Variants in SMYD3 observed in about 807,000 individuals in gnomAD.
The protein encoded by SMYD3 is SET and MYND domain containing 3.
SMYD3 carries 36 observed loss-of-function variants against 57.7 expected under a neutral mutation model. The observed-to-expected ratio is 0.62, with a 90% confidence interval of 0.48 to 0.82. The LOEUF (loss-of-function observed/expected upper bound fraction) is 0.82, where lower values mean the gene tolerates loss of function less well. SMYD3 is among the 40% of genes least tolerant of loss of function. SMYD3 has a pLI of 0.00. For missense variants in SMYD3, 515 were observed against 538.8 expected (o/e 0.96, Z 0.44); for synonymous variants, 211 against 195.0 (o/e 1.08, Z -0.68).
intron 5 of SMYD3, among the ~76,000 whole-genome samples, chr1:245,973,315 A>G (rs1393925658): frequency 1.3e-5 from 2 of 152,346 alleles, no homozygotes; most frequent in South Asian, 4.1e-4. Flanking sequence ...GACACAGCAC[A>G]AGAAGGAAAT....
rs534305833 is a variant in SMYD3, at chr1:245,761,786, C to CTTTT, written c.1185+2251_1185+2254dup. Among the ~76,000 whole-genome samples, 50 of 115,730 alleles carry CTTTT rather than the reference C, an allele frequency of 4.3e-4. 2 individuals carry two copies. Among genetic ancestry groups the CTTTT allele is most frequent in the African/African-American group, 1.5e-3 (40 of 26,904 alleles). The allele number at this position is 115,730 out of a possible 152,430, so 75.9% of individuals were successfully genotyped here. ...TTAAATTGTACACACCATATTGAGTCTTTTTTTTTTTTTTTTTTTGAGACA... is the reference window on the plus strand; with the variant it reads ...TTAAATTGTACACACCATATTGAGTCTTTTTTTTTTTTTTTTTTTTTTTGAGACA... On this transcript the variant is annotated intron_variant, in intron 11 of 11. Coordinates refer to ENST00000490107, the MANE Select transcript of SMYD3 (RefSeq NM_001167740.2).
chr1:246,187,829 A>C (rs1350647849), intron 5 of SMYD3, among the ~76,000 whole-genome samples: 1 of 152,200 alleles, frequency 6.6e-6, no homozygotes, highest in African/African-American at 2.4e-5. Flanking sequence ...AAAGTACAAG[A>C]AACCCATTTT....
intron 5 of SMYD3, among the ~76,000 whole-genome samples, chr1:246,321,339 A>G (rs1183621484): frequency 6.6e-6 from 1 of 152,258 alleles, no homozygotes; most frequent in Non-Finnish European, 1.5e-5. Flanking sequence ...TATGTGTCAG[A>G]CACTACTAAG....
At chr1:246,405,679 C>T (rs1357522307) in intron 1 of SMYD3, among the ~76,000 whole-genome samples, 2 of 152,000 alleles carry the variant, frequency 1.3e-5, no homozygotes, top group Non-Finnish European at 2.9e-5. Flanking sequence ...GAGGCCGAGG[C>T]GGGCGGATCA....
intron 5 of SMYD3, among the ~76,000 whole-genome samples, chr1:245,991,357 A>G (rs2058809939): frequency 6.6e-6 from 1 of 152,234 alleles, no homozygotes; most frequent in Non-Finnish European, 1.5e-5. Context: ...ATAGACAGAG[A>G]TACCAGCAGA....
chr1:245,902,331 C>T (rs180944578), intron 8 of SMYD3, among the ~76,000 whole-genome samples: 17 of 152,324 alleles, frequency 1.1e-4, no homozygotes, highest in Middle Eastern at 3.4e-3. Context: ...CCACCTACAG[C>T]GATGCCACCC....
At chr1:246,458,105 C>T (rs1031973132) in intron 1 of SMYD3, among the ~76,000 whole-genome samples, 8 of 152,174 alleles carry the variant, frequency 5.3e-5, no homozygotes, top group Non-Finnish European at 7.4e-5. Flanking sequence ...GGGCTCAGGA[C>T]TCCATGTTGT....
At chr1:245,854,769 G>T (rs2051149052) in intron 10 of SMYD3, among the ~76,000 whole-genome samples, 1 of 152,172 alleles carries the variant, frequency 6.6e-6, no homozygotes, top group Non-Finnish European at 1.5e-5. Context: ...AAGTGCAGGA[G>T]AAAGTGGAAG....
At position 246,503,693 on chromosome 1, in the gene SMYD3, C is replaced by T. The variant is rs113305110; in HGVS notation, c.164+3361G>A. The stretch of plus-strand genomic sequence containing the variant: ...ATAAGTGATTTCAGGCCGGGGACAG[C>T]GGCTCACGCCTGTAATCCCAGCACT... On this transcript the variant is annotated intron_variant, in intron 1 of 11. Coordinates refer to ENST00000490107, the MANE Select transcript of SMYD3 (RefSeq NM_001167740.2). 1.3e-3 allele frequency among the ~76,000 whole-genome samples: 202 copies of T among 152,218 alleles called. 1 individual carries two copies. Among genetic ancestry groups the T allele is most frequent in the Non-Finnish European group, 2.2e-3 (153 of 68,000 alleles).
At chr1:246,398,686 T>TG (rs1444535836) in intron 1 of SMYD3, among the ~76,000 whole-genome samples, 3 of 152,124 alleles carry the variant, frequency 2.0e-5, no homozygotes, top group Non-Finnish European at 4.4e-5. Flanking sequence ...AGGGAGACAC[T>TG]GGGGCTCAGG....
intron 5 of SMYD3, 106 bp from the exon 6 acceptor site, chr1:245,930,043 T>A: frequency 1.1e-6 from 1 of 906,312 alleles, no homozygotes; most frequent in Non-Finnish European, 1.8e-6. Context: ...ATCTTAGTAG[T>A]TGCTTAAGAA....
At chr1:246,201,832 G>C (rs1183896147) in intron 5 of SMYD3, among the ~76,000 whole-genome samples, 2 of 152,084 alleles carry the variant, frequency 1.3e-5, no homozygotes, top group Non-Finnish European at 2.9e-5. Flanking sequence ...GGGCAACTTG[G>C]AGAAACCCTG....
At chr1:245,899,879 T>G (rs774348548) in intron 8 of SMYD3, among the ~76,000 whole-genome samples, 2 of 152,170 alleles carry the variant, frequency 1.3e-5, no homozygotes, top group Non-Finnish European at 2.9e-5. Flanking sequence ...TGAGTTGGAC[T>G]GATCAGTTCT....
chr1:246,469,317 T>G (rs534413553), intron 1 of SMYD3, among the ~76,000 whole-genome samples: 1 of 152,344 alleles, frequency 6.6e-6, no homozygotes, highest in African/African-American at 2.4e-5. Flanking sequence ...CCAAACTTAT[T>G]ATAAATCTTA....
intron 8 of SMYD3, among the ~76,000 whole-genome samples, chr1:245,895,045 C>G (rs1339323680): frequency 1.3e-5 from 2 of 152,230 alleles, no homozygotes; most frequent in African/African-American, 2.4e-5. Flanking sequence ...AACACAATAG[C>G]TACATTGTTT....
chr1:245,939,446 A>C (rs1384647456), intron 5 of SMYD3, among the ~76,000 whole-genome samples: 1 of 152,108 alleles, frequency 6.6e-6, no homozygotes, highest in East Asian at 1.9e-4. Context: ...CAATATGGTG[A>C]AACCCCATCT....
chr1:245,784,631 G>A (rs2046961034), intron 10 of SMYD3, among the ~76,000 whole-genome samples: 1 of 152,014 alleles, frequency 6.6e-6, no homozygotes, highest in Admixed American at 6.5e-5. Flanking sequence ...CTCCTTTTAG[G>A]TTCTCAAAAC....
intron 2 of SMYD3, among the ~76,000 whole-genome samples, chr1:246,348,936 A>C (rs1324584858): frequency 1.3e-5 from 2 of 152,190 alleles, no homozygotes; most frequent in Non-Finnish European, 2.9e-5. Flanking sequence ...GAGTGGAATG[A>C]AATAAAGTAC....
In SMYD3 at chr1:246,327,351, A is replaced by G. The variant is rs774395667; in HGVS notation, c.395-14T>C. ...GTTTGTTAATATCTTTTTTAAAGAGAAAATAAATAGCACAATCTCAAAGTA... is the reference window on the plus strand; with the variant it reads ...GTTTGTTAATATCTTTTTTAAAGAGGAAATAAATAGCACAATCTCAAAGTA... On this transcript the variant is annotated splice_polypyrimidine_tract_variant and intron_variant, in intron 4 of 11. Transcript: ENST00000490107. 1.2e-6 allele frequency: 2 copies of G among 1,603,378 alleles called. No homozygotes were observed. Among genetic ancestry groups the G allele is most frequent in the Admixed American group, 3.5e-5 (2 of 57,622 alleles).
Sources: gnomAD v4.1 joint callset for allele counts (sites outside exome capture counted in the v4.1 genomes callset) on GRCh38, gnomAD v4.1.1 for gene constraint, MANE v1.5 for transcripts, NCBI Gene and HGNC (gene_info 2026-07-23, HGNC 2026-07-21) for gene names.